The following CDKAL1 variants were observed in gnomAD, a reference collection of about 807,000 sequenced individuals.
CDKAL1 encodes threonylcarbamoyladenosine tRNA methylthiotransferase.
In CDKAL1, 32 loss-of-function variants were observed where a neutral mutation model predicts 68.2. The ratio of observed to expected loss-of-function variants is 0.47; its 90% CI spans 0.35 to 0.63. The LOEUF (loss-of-function observed/expected upper bound fraction) is 0.63, where lower values mean the gene tolerates loss of function less well. Ranked by LOEUF, CDKAL1 falls within the 30% of genes least tolerant of loss-of-function variation. CDKAL1 has a pLI of 0.00. For missense variants in CDKAL1, 606 were observed against 696.7 expected, an observed-to-expected ratio of 0.87 and a Z score of 1.47; for synonymous variants, 234 against 244.3, an observed-to-expected ratio of 0.96 and a Z score of 0.39.
At chr6:21,040,997 A>G (rs2150894620) in intron 11 of CDKAL1, among the ~76,000 whole-genome samples, 1 of 152,350 alleles carries the variant, frequency 6.6e-6, no homozygotes, top group Non-Finnish European at 1.5e-5. Flanking sequence ...TGTAAGAACT[A>G]GTTCTTAACA....
intron 4 of CDKAL1, among the ~76,000 whole-genome samples, chr6:20,553,474 A>G (rs977387389): frequency 1.9e-4 from 29 of 152,288 alleles, no homozygotes; most frequent in African/African-American, 6.7e-4. Context: ...GCCCCACTGC[A>G]TTCCAGCCTG....
At chr6:20,827,123 A>G (rs984885578) in intron 8 of CDKAL1, among the ~76,000 whole-genome samples, 2 of 152,154 alleles carry the variant, frequency 1.3e-5, no homozygotes, top group African/African-American at 4.8e-5. Context: ...TATTTCCCCA[A>G]TATGTTATGA....
chr6:21,061,186 A>C (rs960933294), intron 11 of CDKAL1, among the ~76,000 whole-genome samples: 1 of 152,148 alleles, frequency 6.6e-6, no homozygotes, highest in African/African-American at 2.4e-5. Flanking sequence ...ATATATCTTT[A>C]CAAGTAATCA....
At chr6:21,073,811 G>A (rs1046532574) in intron 12 of CDKAL1, among the ~76,000 whole-genome samples, 12 of 152,004 alleles carry the variant, frequency 7.9e-5, no homozygotes, top group Admixed American at 3.3e-4. Context: ...TTTCTCATTC[G>A]TTTGAAACAG....
At chr6:20,773,383 A>G (rs1015586721) in intron 7 of CDKAL1, among the ~76,000 whole-genome samples, 6 of 152,320 alleles carry the variant, frequency 3.9e-5, no homozygotes, top group Non-Finnish European at 8.8e-5. Context: ...TTGAGTAGTT[A>G]AAATGCCTGT....
chr6:20,811,963 A>T (rs1446903445), intron 8 of CDKAL1, among the ~76,000 whole-genome samples: 1 of 152,160 alleles, frequency 6.6e-6, no homozygotes. Context: ...ATCCCTGGTC[A>T]TACGTAATCA....
chr6:20,774,409 A>G (rs1277339030), intron 7 of CDKAL1, among the ~76,000 whole-genome samples: 1 of 152,118 alleles, frequency 6.6e-6, no homozygotes, highest in Admixed American at 6.6e-5. Flanking sequence ...CTCAATTAAT[A>G]TATGTCTTTA....
intron 12 of CDKAL1, among the ~76,000 whole-genome samples, chr6:21,101,446 C>T (rs998883549): frequency 6.6e-6 from 1 of 152,112 alleles, no homozygotes; most frequent in African/African-American, 2.4e-5. Flanking sequence ...CCAAATCTAG[C>T]GTCTTCATTT....
chr6:20,643,982 G>C (rs1036044945), intron 4 of CDKAL1, among the ~76,000 whole-genome samples: 15 of 151,930 alleles, frequency 9.9e-5, no homozygotes, highest in Admixed American at 9.8e-4. Context: ...GCGCCACCAT[G>C]CCTGGCTAAT....
chr6:20,981,795 C>T (rs771540530), intron 10 of CDKAL1, among the ~76,000 whole-genome samples: 33 of 152,170 alleles, frequency 2.2e-4, no homozygotes, highest in African/African-American at 7.5e-4. Flanking sequence ...GAGCCAAAAA[C>T]GTGCCCCTGC....
chr6:21,207,518 C>T (rs1348614917), intron 15 of CDKAL1, among the ~76,000 whole-genome samples: 1 of 149,896 alleles, frequency 6.7e-6, no homozygotes, highest in Non-Finnish European at 1.5e-5. Context: ...TTATCTCAAG[C>T]AAAAAAAAAG....
intron 4 of CDKAL1, among the ~76,000 whole-genome samples, chr6:20,562,509 T>C (rs12208597): frequency 0.41 from 61,502 of 151,794 alleles, 13,111 homozygotes; most frequent in African/African-American, 0.53. Flanking sequence ...CAGGCTGAGG[T>C]GGGCGGATCA....
At chr6:20,647,934 G>T (rs1332279161) in intron 4 of CDKAL1, among the ~76,000 whole-genome samples, 1 of 150,578 alleles carries the variant, frequency 6.6e-6, no homozygotes, top group Admixed American at 6.6e-5. Context: ...TTTTAGCTGG[G>T]CATGGTGGTG....
At chr6:20,641,608 T>C (rs79676519) in intron 4 of CDKAL1, among the ~76,000 whole-genome samples, 2,768 of 152,300 alleles carry the variant, frequency 0.018, 88 homozygotes, top group African/African-American at 0.061. Context: ...ACTAGACATA[T>C]TCTTCTACAC....
chr6:20,613,298 G>T lies in CDKAL1; in HGVS notation c.287-35995G>T, dbSNP rs1382487896. ...TTTTTTTTTTTTTTTTTTTTGAGAC[G>T]GAGTCTCGCTCTGTCACCCAGGCTA... On this transcript the variant is annotated intron_variant, in intron 4 of 15. Coordinates refer to ENST00000274695, the MANE Select transcript of CDKAL1 (RefSeq NM_017774.3). Among the ~76,000 whole-genome samples, 6 of 77,454 alleles carry T rather than the reference G, an allele frequency of 7.7e-5. 1 individual carries two copies. Among genetic ancestry groups the T allele is most frequent in the Non-Finnish European group, 1.2e-4 (5 of 41,752 alleles). 50.8% of individuals were successfully genotyped at this position (77,454 alleles called of 152,430 possible).
chr6:20,741,352 A>G (rs1486678658), intron 6 of CDKAL1, among the ~76,000 whole-genome samples: 2 of 152,072 alleles, frequency 1.3e-5, no homozygotes, highest in Non-Finnish European at 2.9e-5. Context: ...GTTGAGGGGT[A>G]CATGTGCAGG....
chr6:20,582,430 A>C (rs1462582478), intron 4 of CDKAL1, among the ~76,000 whole-genome samples: 3 of 152,184 alleles, frequency 2.0e-5, no homozygotes, highest in Admixed American at 1.3e-4. Flanking sequence ...ATTATATGAG[A>C]TAATTTTCAA....
chr6:20,598,759 A>G (rs1245372728), intron 4 of CDKAL1, among the ~76,000 whole-genome samples: 2 of 152,194 alleles, frequency 1.3e-5, no homozygotes, highest in African/African-American at 4.8e-5. Context: ...CCTCTGGAAG[A>G]TGAAAGGGGA....
chr6:20,889,540 A>AT (rs1391191731), intron 9 of CDKAL1, among the ~76,000 whole-genome samples: 2 of 152,080 alleles, frequency 1.3e-5, no homozygotes, highest in Non-Finnish European at 2.9e-5. Context: ...TCTTGAATTA[A>AT]TTTTTGTATA....
Sources: allele counts gnomAD v4.1 joint callset (sites outside exome capture counted in the v4.1 genomes callset), GRCh38; gene constraint gnomAD v4.1.1; transcripts MANE v1.5; gene names NCBI Gene and HGNC (gene_info 2026-07-23, HGNC 2026-07-21).